The following RARB variants were observed in gnomAD, a reference collection of about 807,000 sequenced individuals.
RARB encodes the protein retinoic acid receptor beta, also known as HBV-activated protein.
Under a neutral mutation model 51.9 loss-of-function variants are expected in RARB, and 17 were observed. The observed-to-expected ratio is 0.33, with a 90% CI of 0.22 to 0.49. The LOEUF is 0.49. Among genes scored for constraint, RARB ranks in the 20% least tolerant of loss-of-function variants. RARB has a pLI of 0.99. For missense variants in RARB, 369 were observed against 550.8 expected (o/e 0.67, Z 3.30); for synonymous variants, 215 against 195.4 (o/e 1.10, Z -0.84).
intron 2 of RARB, among the ~76,000 whole-genome samples, chr3:24,966,763 T>G (rs1696284100): frequency 6.6e-6 from 1 of 152,206 alleles, no homozygotes; most frequent in African/African-American, 2.4e-5. Flanking sequence ...AGATTCACAT[T>G]AAATTTTTAT....
At chr3:25,481,394 T>A (rs966043061) in intron 2 of RARB, among the ~76,000 whole-genome samples, 1 of 152,240 alleles carries the variant, frequency 6.6e-6, no homozygotes, top group Non-Finnish European at 1.5e-5. Flanking sequence ...AAAAGAATTA[T>A]GTTTTTTGAA....
intron 2 of RARB, among the ~76,000 whole-genome samples, chr3:24,875,744 A>C (rs1434633738): frequency 1.3e-5 from 2 of 152,136 alleles, no homozygotes; most frequent in African/African-American, 4.8e-5. Flanking sequence ...AAATAACATT[A>C]ATATAATACT....
intron 4 of RARB, 121 bp from the exon 5 acceptor site, chr3:25,580,425 C>A: frequency 1.0e-6 from 1 of 961,202 alleles, no homozygotes; most frequent in Non-Finnish European, 1.5e-6. Context: ...AGCTGTCCCA[C>A]CAACAACCTG....
chr3:25,345,664 CAA>C (rs71061207), intron 5 of RARB, among the ~76,000 whole-genome samples: 16 of 96,498 alleles, frequency 1.7e-4, no homozygotes, highest in Middle Eastern at 5.4e-3. Flanking sequence ...GACTCCGTCT[CAA>C]AAAAAAAAAA....
At chr3:24,895,535 G>A (rs968415912) in intron 2 of RARB, among the ~76,000 whole-genome samples, 12 of 151,330 alleles carry the variant, frequency 7.9e-5, no homozygotes, top group African/African-American at 2.2e-4. Flanking sequence ...AATGCACTCA[G>A]GGAATTAATG....
At chr3:25,152,790 C>T (rs908846056) in intron 4 of RARB, among the ~76,000 whole-genome samples, 1 of 152,116 alleles carries the variant, frequency 6.6e-6, no homozygotes, top group Non-Finnish European at 1.5e-5. Context: ...GTATTAAAAT[C>T]ATTTAAGATG....
intron 2 of RARB, among the ~76,000 whole-genome samples, chr3:24,950,050 T>C (rs1175076992): frequency 6.6e-6 from 1 of 152,202 alleles, no homozygotes; most frequent in Non-Finnish European, 1.5e-5. Context: ...TTAATGTAGG[T>C]GAGCATCACC....
intron 4 of RARB, among the ~76,000 whole-genome samples, chr3:25,154,291 A>C (rs545906097): frequency 1.3e-5 from 2 of 152,310 alleles, no homozygotes; most frequent in East Asian, 3.9e-4. Flanking sequence ...GCTCCATCCG[A>C]GTTCCTTAGC....
intron 1 of RARB, among the ~76,000 whole-genome samples, chr3:24,846,946 C>T (rs1368222305): frequency 6.6e-6 from 1 of 151,304 alleles, no homozygotes; most frequent in African/African-American, 2.4e-5. Flanking sequence ...TGTATTGATA[C>T]ACAGGATGCA....
chr3:25,296,419 C>T (rs1194797206), intron 5 of RARB, among the ~76,000 whole-genome samples: 1 of 152,116 alleles, frequency 6.6e-6, no homozygotes, highest in Non-Finnish European at 1.5e-5. Flanking sequence ...TCTGGGAACT[C>T]GGGCAAATTA....
intron 2 of RARB, among the ~76,000 whole-genome samples, chr3:24,924,434 C>T (rs955365135): frequency 5.9e-5 from 9 of 152,258 alleles, no homozygotes; most frequent in Non-Finnish European, 1.0e-4. Flanking sequence ...TATATCTGTG[C>T]TCCTCAGTAT....
chr3:25,520,250 G>A (rs1292469043), intron 3 of RARB, among the ~76,000 whole-genome samples: 1 of 152,174 alleles, frequency 6.6e-6, no homozygotes, highest in Non-Finnish European at 1.5e-5. Flanking sequence ...CTGGTTATAA[G>A]AGTTTAGTTC....
At position 24,832,218 on chromosome 3, in the gene RARB, A is replaced by T. The variant is rs114494663; in HGVS notation, c.-459+2815A>T. ...TTAAGAAGGATCAATCAAGCATATGAATGTTTAAAAATATCTATTTATTAT... is the reference window on the plus strand; with the variant it reads ...TTAAGAAGGATCAATCAAGCATATGTATGTTTAAAAATATCTATTTATTAT... On this transcript the variant is annotated intron_variant, in intron 1 of 11. Coordinates refer to the RARB transcript ENST00000383772. Among the ~76,000 whole-genome samples, 197 of 152,322 alleles carry T rather than the reference A, an allele frequency of 1.3e-3. 1 individual carries two copies. Among genetic ancestry groups the T allele is most frequent in the African/African-American group, 4.6e-3 (192 of 41,566 alleles).
At chr3:24,959,284 A>G (rs1001632012) in intron 2 of RARB, among the ~76,000 whole-genome samples, 1 of 152,094 alleles carries the variant, frequency 6.6e-6, no homozygotes, top group African/African-American at 2.4e-5. Context: ...ACATGAATGA[A>G]TTGAAGGGTG....
chr3:25,154,449 C>T (rs74947701), intron 4 of RARB, among the ~76,000 whole-genome samples: 2,070 of 152,286 alleles, frequency 0.014, 39 homozygotes, highest in African/African-American at 0.047. Context: ...TTCATCATGG[C>T]GGAGACCAAA....
At chr3:25,502,308 G>C (rs1424376706) in intron 3 of RARB, among the ~76,000 whole-genome samples, 2 of 152,160 alleles carry the variant, frequency 1.3e-5, no homozygotes, top group Non-Finnish European at 2.9e-5. Flanking sequence ...TATGAATCAA[G>C]GGCTCTTAGA....
At chr3:25,406,783 A>T (rs1707421334) in intron 5 of RARB, among the ~76,000 whole-genome samples, 1 of 152,200 alleles carries the variant, frequency 6.6e-6, no homozygotes, top group African/African-American at 2.4e-5. Flanking sequence ...ATCGAGCAGG[A>T]TGGCAGAGGC....
At chr3:25,135,240 T>G (rs1259834293) in intron 4 of RARB, among the ~76,000 whole-genome samples, 1 of 152,000 alleles carries the variant, frequency 6.6e-6, no homozygotes, top group Non-Finnish European at 1.5e-5. Context: ...AACTGATTTT[T>G]AAATTTTATT....
intron 3 of RARB, among the ~76,000 whole-genome samples, chr3:25,105,837 T>A (rs1699489162): frequency 6.6e-6 from 1 of 152,184 alleles, no homozygotes; most frequent in African/African-American, 2.4e-5. Context: ...TGAACATATA[T>A]CTTCTTTTCT....
Sources: allele counts gnomAD v4.1 joint callset (sites outside exome capture counted in the v4.1 genomes callset), GRCh38; gene constraint gnomAD v4.1.1; transcripts MANE v1.5; gene names NCBI Gene and HGNC (gene_info 2026-07-23, HGNC 2026-07-21).